KHNYN: variants seen among roughly 807,000 people sequenced by gnomAD.
KHNYN encodes KH and NYN domain containing, also known as protein KHNYN.
A neutral mutation model predicts 62.7 loss-of-function variants in KHNYN; 42 were observed. The observed-to-expected ratio is 0.67, with a 90% CI of 0.52 to 0.87. KHNYN has a LOEUF of 0.87. KHNYN is among the 40% of genes least tolerant of loss of function. The pLI is 0.00. For missense variants in KHNYN, 829 were observed against 874.1 expected (o/e 0.95, Z 0.65); for synonymous variants, 347 against 345.6 (o/e 1.00, Z -0.04).
chr14:24,428,585 T>G (rs2043049133), upstream of KHNYN, among the ~76,000 whole-genome samples: 2 of 141,148 alleles, frequency 1.4e-5, no homozygotes, highest in Non-Finnish European at 1.5e-5. Flanking sequence ...TGCGTATGGG[T>G]GGAGGGAGGG....
In KHNYN at chr14:24,440,956, G is replaced by A; in HGVS notation, c.*3671G>A. 2 of 1,613,602 alleles carry A rather than the reference G, an allele frequency of 1.2e-6. No homozygotes were observed. The highest frequency in any genetic ancestry group is 8.5e-7 in the Non-Finnish European group (1 of 1,179,686). ...CGGTGGAACACAATCATTTGCCCTGGGTGTCCTTGGTCCTGCCTGGCTCTC... is the reference window on the plus strand; with the variant it reads ...CGGTGGAACACAATCATTTGCCCTGAGTGTCCTTGGTCCTGCCTGGCTCTC... On this transcript the variant is annotated 3_prime_UTR_variant, in exon 8 of 8. Coordinates refer to ENST00000553935, the MANE Select transcript of KHNYN (RefSeq NM_015299.3).
In KHNYN at chr14:24,441,833, A is replaced by G; in HGVS notation, c.*4548A>G. On this transcript the variant is annotated 3_prime_UTR_variant, in exon 8 of 8. Transcript: ENST00000553935. ...CATGGGAAATAAAAAGCCACTAAAT[A>G]CATAAGTGCACATATCCCTCTCTCT... The G allele has an allele frequency of 6.3e-7, 1 of 1,581,776 alleles. No individual in the cohort carries two copies. Among genetic ancestry groups the G allele is most frequent in the Non-Finnish European group, 8.6e-7 (1 of 1,163,792 alleles).
chr14:24,440,565 G>T lies in KHNYN; in HGVS notation c.*3280G>T. On this transcript the variant is annotated 3_prime_UTR_variant, in exon 8 of 8. Coordinates refer to ENST00000553935, the MANE Select transcript of KHNYN (RefSeq NM_015299.3). ...GAGCCCACTGCTCCTCCTGGTTTCT[G>T]TTTCCCCTTCCTCACTCTCCCCATG... is the stretch of plus-strand genomic sequence containing the variant. The T allele has an allele frequency of 6.6e-7, 1 of 1,515,542 alleles. No individual in the cohort carries two copies. The allele number at this position is 1,515,542 out of a possible 1,614,324, so 93.9% of individuals were successfully genotyped here. A position where few individuals can be genotyped will look rare whatever the true frequency, so the allele number is the denominator to read the frequency against.
At chr14:24,428,029 G>A, upstream of KHNYN, 1 of 1,574,178 alleles carries the variant, frequency 6.4e-7, no homozygotes, top group Non-Finnish European at 8.6e-7. Flanking sequence ...CCAGCCCTTA[G>A]CTCAGGACCC....
upstream of KHNYN, chr14:24,428,949 AC>A: frequency 6.4e-7 from 1 of 1,552,632 alleles, no homozygotes. Context: ...ACGGGCTCTG[AC>A]CCCTCCTGGG....
rs778804808 is a variant in KHNYN, at chr14:24,436,500, C to A, written c.1787+11C>A. On this transcript the variant is annotated intron_variant, in intron 7 of 7. Transcript: ENST00000553935. Reference sequence around the variant, plus strand: ...GAAGAAGCCAGCCAGGTAATCAATCCCCTAGACTACTTACAGGCAGCCCCC... The same window carrying A: ...GAAGAAGCCAGCCAGGTAATCAATCACCTAGACTACTTACAGGCAGCCCCC... The A allele has an allele frequency of 1.3e-6, 2 of 1,598,060 alleles. No individual in the cohort carries two copies. Among genetic ancestry groups the A allele is most frequent in the Non-Finnish European group, 1.7e-6 (2 of 1,169,646 alleles).
intron 6 of KHNYN, 94 bp downstream of exon 6, chr14:24,436,273 G>C (rs2043202981): frequency 7.0e-7 from 1 of 1,430,850 alleles, no homozygotes; most frequent in Non-Finnish European, 9.8e-7. Context: ...CTCTGGGAAG[G>C]AGGTGAAGTT....
upstream of KHNYN, chr14:24,429,836 G>T: frequency 1.9e-6 from 2 of 1,042,932 alleles, no homozygotes; most frequent in Non-Finnish European, 2.3e-6. Flanking sequence ...CCGCCGAGGG[G>T]ACTAGGCCGA....
In KHNYN at chr14:24,430,100, CGGCGCGGGCGGCGGAGGCGGTA is replaced by C; in HGVS notation, c.-30_-18+9del. ...GGCGGGCGCTGAGAGGACCTGAAGC[CGGCGCGGGCGGCGGAGGCGGTA>C]GGCGCGCCCCTCCACCGCGCCCGGG... On this transcript the variant is annotated splice_donor_variant and splice_donor_region_variant and 5_prime_UTR_variant and intron_variant, in exon 1 of 8. Coordinates refer to ENST00000553935, the MANE Select transcript of KHNYN (RefSeq NM_015299.3). LOFTEE classifies it low-confidence loss of function (5UTR_SPLICE). 2 of 985,286 alleles carry C rather than the reference CGGCGCGGGCGGCGGAGGCGGTA, an allele frequency of 2.0e-6. No homozygotes were observed. Among genetic ancestry groups the C allele is most frequent in the Non-Finnish European group, 2.4e-6 (2 of 830,128 alleles). The allele number at this position is 985,286 out of a possible 1,614,324, so 61.0% of individuals were successfully genotyped here. A position where few individuals can be genotyped will look rare whatever the true frequency, so the allele number is the denominator to read the frequency against.
rs200019701 is a variant in KHNYN at position 24,440,415 on chromosome 14, C to G, written c.*3130C>G. 583 of 1,613,426 alleles carry G rather than the reference C, an allele frequency of 3.6e-4. No homozygotes were observed. The highest frequency in any genetic ancestry group is 4.7e-4 in the Non-Finnish European group (556 of 1,179,634). On this transcript the variant is annotated 3_prime_UTR_variant, in exon 8 of 8. Transcript: ENST00000553935. The stretch of plus-strand genomic sequence containing the variant: ...CAGGGGAAGAATTGGTGGCCTGAGC[C>G]GATGGGGCCCCCCAGGCCCAGGCGA...
chr14:24,435,900 T>G, intron 5 of KHNYN, 172 bp from the exon 6 acceptor site: 1 of 619,568 alleles, frequency 1.6e-6, no homozygotes, highest in Non-Finnish European at 2.8e-6. Flanking sequence ...GTTGCTGTGG[T>G]TTTTACTTTT....
upstream of KHNYN, chr14:24,427,733 G>A: frequency 6.6e-7 from 1 of 1,524,964 alleles, no homozygotes; most frequent in Non-Finnish European, 9.1e-7. This position sits in a 1 kb window ranked among gnomAD's most constrained non-coding sequence, Gnocchi z 4.4. Flanking sequence ...TGGGGCAAGA[G>A]AGGGCAGAAG....
rs769756994 is a variant in KHNYN, at chr14:24,441,616, G to A, written c.*4331G>A. ...CTCTGGTGTGTGCATAGCTACAGAG[G>A]TCTGAGTTACCCCGTTCCCCTGGCG... On this transcript the variant is annotated 3_prime_UTR_variant, in exon 8 of 8. Coordinates refer to ENST00000553935, the MANE Select transcript of KHNYN (RefSeq NM_015299.3). 8 of 1,453,190 alleles carry A rather than the reference G, an allele frequency of 5.5e-6. No homozygotes were observed. The highest frequency in any genetic ancestry group is 2.3e-5 in the East Asian group (1 of 44,002). The allele number at this position is 1,453,190 out of a possible 1,614,324, so 90.0% of individuals were successfully genotyped here.
At position 24,432,302 on chromosome 14, in the gene KHNYN, C is replaced by G; in HGVS notation, c.1041C>G (p.Leu347=). ...GAGGAGCCTCCCTCCTCCAGCGGCT[C>G]CACAATGGGAATGCCTCTCCTCCGA... is the stretch of plus-strand genomic sequence containing the variant. ...QSRGASLLQR[L]HNGNASPPRV... Residue 347 remains leucine (L), a synonymous_variant, in exon 3 of 8, where the codon CTC becomes CTG. Coordinates refer to ENST00000553935, the MANE Select transcript of KHNYN (RefSeq NM_015299.3). The surrounding 1 kb of genome is among the most constrained non-coding windows in gnomAD (Gnocchi z 5.6). 6.2e-7 allele frequency: 1 copy of G among 1,614,084 alleles called. No individual in the cohort carries two copies. Among genetic ancestry groups the G allele is most frequent in the Non-Finnish European group, 8.5e-7 (1 of 1,179,966 alleles).
intron 5 of KHNYN, chr14:24,435,750 C>T: frequency 2.6e-6 from 1 of 380,448 alleles, no homozygotes; most frequent in Non-Finnish European, 4.8e-6. Context: ...TTTGTTTCCT[C>T]TCTAGGCCAT....
At chr14:24,436,621 C>T in intron 7 of KHNYN, 132 bp downstream of exon 7, 2 of 654,572 alleles carry the variant, frequency 3.1e-6, no homozygotes, top group Non-Finnish European at 2.6e-6. Flanking sequence ...GTTGCATTGG[C>T]CTTGGCCTTT....
Position 24,432,291 on chromosome 14 carries a change from C to G in KHNYN, c.1030C>G (p.Leu344Val). 1 of 1,613,974 alleles carries G rather than the reference C, an allele frequency of 6.2e-7. No individual in the cohort carries two copies. Among genetic ancestry groups the G allele is most frequent in the Non-Finnish European group, 8.5e-7 (1 of 1,179,912 alleles). Residue 344 changes from leucine to valine, a missense_variant, in exon 3 of 8, where the codon CTC becomes GTC. By Grantham distance (32) the Leu-to-Val change is conservative. This residue lies in a region of KHNYN where 559 missense variants were observed against 527.0 expected (regional missense o/e 1.06). Coordinates refer to ENST00000553935, the MANE Select transcript of KHNYN (RefSeq NM_015299.3). This position sits in a 1 kb window ranked among gnomAD's most constrained non-coding sequence, Gnocchi z 5.6. The stretch of plus-strand genomic sequence containing the variant: ...AGCTCAGTCCCGAGGAGCCTCCCTC[C>G]TCCAGCGGCTCCACAATGGGAATGC... ...RAAQSRGASL[L>V]QRLHNGNASP...
At chr14:24,427,967 G>A (rs202139109), upstream of KHNYN, 10 of 1,613,512 alleles carry the variant, frequency 6.2e-6, no homozygotes, top group East Asian at 1.6e-4. This position sits in a 1 kb window ranked among gnomAD's most constrained non-coding sequence, Gnocchi z 4.4. Flanking sequence ...GACAGGCCAC[G>A]TGTTCAGCAT....
In KHNYN at chr14:24,430,859, G is replaced by T. The variant is rs372676908; in HGVS notation, c.129G>T (p.Pro43=). Residue 43 remains proline, a synonymous_variant, in exon 2 of 8, where the codon CCG becomes CCT. Transcript: ENST00000553935. Reference sequence around the variant, plus strand: ...TCAGCGTGGGGGTGAGCGTCCTTCCGAAGGACTGTCCGGACAACCCCCACA... The same window carrying T: ...TCAGCGTGGGGGTGAGCGTCCTTCCTAAGGACTGTCCGGACAACCCCCACA... ...RIFSVGVSVL[P]KDCPDNPHIW... The T allele has an allele frequency of 6.2e-7, 1 of 1,613,832 alleles. No homozygotes were observed. The highest frequency in any genetic ancestry group is 1.3e-5 in the African/African-American group (1 of 74,928).
Sources: allele counts gnomAD v4.1 joint callset (sites outside exome capture counted in the v4.1 genomes callset), GRCh38; gene constraint gnomAD v4.1.1; regional missense constraint gnomAD v4.1.1; non-coding constraint Gnocchi (gnomAD v3.1); transcripts MANE v1.5; gene names NCBI Gene and HGNC (gene_info 2026-07-23, HGNC 2026-07-21).